The following FSHR variants were observed in gnomAD, a reference collection of about 807,000 sequenced individuals.
FSHR encodes the protein follicle stimulating hormone receptor.
A neutral mutation model predicts 52.1 loss-of-function variants in FSHR; 46 were observed. The ratio of observed to expected loss-of-function variants is 0.88; its 90% CI spans 0.70 to 1.13. FSHR has a LOEUF of 1.13. Ranked by LOEUF, FSHR falls within the 50% of genes most tolerant of loss-of-function variation. The pLI is 0.00. For missense variants in FSHR, 964 were observed against 834.6 expected (o/e 1.16, Z -1.91); for synonymous variants, 399 against 309.6 (o/e 1.29, Z -3.03).
intron 4 of FSHR, among the ~76,000 whole-genome samples, chr2:49,002,686 C>G (rs1204280893): frequency 6.6e-6 from 1 of 152,022 alleles, no homozygotes; most frequent in African/African-American, 2.4e-5. Flanking sequence ...CCATGAAGTC[C>G]CTCCCCAACA....
At chr2:49,072,873 AC>A (rs1187072930) in intron 1 of FSHR, among the ~76,000 whole-genome samples, 2 of 152,170 alleles carry the variant, frequency 1.3e-5, no homozygotes, top group African/African-American at 4.8e-5. Flanking sequence ...AGCTGGATTT[AC>A]CACTTAACAT....
intron 1 of FSHR, among the ~76,000 whole-genome samples, chr2:49,113,848 A>G (rs867701484): frequency 2.0e-5 from 3 of 152,214 alleles, no homozygotes. Flanking sequence ...CTCCCCCTCT[A>G]TTGATTATAA....
intron 2 of FSHR, among the ~76,000 whole-genome samples, chr2:49,056,516 G>C (rs983331987): frequency 4.4e-5 from 6 of 137,464 alleles, no homozygotes; most frequent in South Asian, 4.5e-4. Flanking sequence ...GATATAAAAA[G>C]CAAATATTAT....
intron 1 of FSHR, among the ~76,000 whole-genome samples, chr2:49,093,151 AT>A (rs201091058): frequency 0.029 from 4,372 of 152,264 alleles, 86 homozygotes; most frequent in South Asian, 0.044. Context: ...TTTCTGTCTA[AT>A]TTTGATATCA....
intron 1 of FSHR, among the ~76,000 whole-genome samples, chr2:49,143,597 G>A (rs1284473354): frequency 2.0e-5 from 3 of 152,108 alleles, no homozygotes; most frequent in Admixed American, 6.6e-5. Context: ...AAACTCCACT[G>A]AGAAGACAAT....
intron 8 of FSHR, among the ~76,000 whole-genome samples, chr2:48,969,772 C>T (rs915936917): frequency 3.9e-5 from 6 of 152,192 alleles, no homozygotes; most frequent in Non-Finnish European, 8.8e-5. Context: ...GGTCCCTGCC[C>T]CTGATGGGCT....
chr2:49,053,216 C>T (rs1504190), intron 2 of FSHR, among the ~76,000 whole-genome samples: 63,373 of 151,948 alleles, frequency 0.42, 14,271 homozygotes, highest in Non-Finnish European at 0.5. Context: ...GGCTTATTGC[C>T]GCCTCATCTG....
In FSHR at chr2:49,153,887, C is replaced by G. The variant is rs555563518; in HGVS notation, c.152+379G>C. The stretch of plus-strand genomic sequence containing the variant: ...CATACCTTGTGTATTCTGCTTAGAT[C>G]AAAGCTGCCTTTCTGCCTCCAATTC... On this transcript the variant is annotated intron_variant, in intron 1 of 9. Transcript: ENST00000406846. Among the ~76,000 whole-genome samples, 35 of 152,244 alleles carry G rather than the reference C, an allele frequency of 2.3e-4. No homozygotes were observed. The South Asian group carries it at 7.3e-3, about 32-fold the overall frequency.
At chr2:49,020,586 C>T (rs556660596) in intron 2 of FSHR, among the ~76,000 whole-genome samples, 1 of 151,980 alleles carries the variant, frequency 6.6e-6, no homozygotes, top group East Asian at 1.9e-4. Context: ...ATCACAACTG[C>T]CCAATTGACA....
Position 49,089,093 on chromosome 2 carries a change from C to CTAATATAATA in FSHR, c.153-20813_153-20804dup, listed in dbSNP as rs141082451. Among the ~76,000 whole-genome samples, 394 of 150,102 alleles carry CTAATATAATA rather than the reference C, an allele frequency of 2.6e-3. 2 individuals carry two copies. Among genetic ancestry groups the CTAATATAATA allele is most frequent in the South Asian group, 9.6e-3 (46 of 4,778 alleles). On this transcript the variant is annotated intron_variant, in intron 1 of 9. Transcript: ENST00000406846. ...TGCAATTGTGTATCCAAATTCACTT[C>CTAATATAATA]TAATATAATATAATATAATATTTAT...
intron 6 of FSHR, among the ~76,000 whole-genome samples, chr2:48,987,101 C>T (rs923450664): frequency 2.6e-5 from 4 of 152,112 alleles, no homozygotes; most frequent in African/African-American, 9.7e-5. Context: ...ACCCAGGAAT[C>T]CTTTTACTGT....
At chr2:49,086,094 C>T (rs1230389470) in intron 1 of FSHR, among the ~76,000 whole-genome samples, 1 of 151,976 alleles carries the variant, frequency 6.6e-6, no homozygotes, top group Admixed American at 6.6e-5. Flanking sequence ...GCACATGTAC[C>T]CTAAAACTTA....
At chr2:49,110,627 A>C (rs908421848) in intron 1 of FSHR, among the ~76,000 whole-genome samples, 4 of 152,156 alleles carry the variant, frequency 2.6e-5, no homozygotes, top group Admixed American at 2.0e-4. Context: ...TCCCTGTGAC[A>C]GCTGGTAAAG....
At chr2:49,024,900 C>T (rs761877678) in intron 2 of FSHR, among the ~76,000 whole-genome samples, 1 of 152,184 alleles carries the variant, frequency 6.6e-6, no homozygotes, top group Non-Finnish European at 1.5e-5. Context: ...TCCATAGACC[C>T]TCTGTTACTG....
At chr2:48,998,705 T>G (rs947129886) in intron 4 of FSHR, among the ~76,000 whole-genome samples, 2 of 152,022 alleles carry the variant, frequency 1.3e-5, no homozygotes, top group African/African-American at 4.8e-5. Context: ...TTTAGTGAAG[T>G]TTTGTTCTCA....
At chr2:49,050,942 T>C (rs1424318960) in intron 2 of FSHR, among the ~76,000 whole-genome samples, 3 of 152,172 alleles carry the variant, frequency 2.0e-5, no homozygotes, top group Non-Finnish European at 1.5e-5. Flanking sequence ...TTACCATAGA[T>C]TAGATTTTCT....
chr2:49,141,988 T>G (rs1672704463), intron 1 of FSHR, among the ~76,000 whole-genome samples: 1 of 152,176 alleles, frequency 6.6e-6, no homozygotes, highest in African/African-American at 2.4e-5. Context: ...AGTGCAAAAT[T>G]GTTGGGCAAG....
At position 49,044,847 on chromosome 2, in the gene FSHR, C is replaced by A. The variant is rs984548139; in HGVS notation, c.224+23372G>T. 2.0e-5 allele frequency among the ~76,000 whole-genome samples: 3 copies of A among 152,164 alleles called. No homozygotes were observed. The South Asian group carries it at 6.2e-4, about 32-fold the overall frequency. ...AGACTTGTGCTTCTTCCCTGAGATA[C>A]AGTTTTTCTGTCACAAGAGGGAGTG... is the stretch of plus-strand genomic sequence containing the variant. On this transcript the variant is annotated intron_variant, in intron 2 of 9. Transcript: ENST00000406846.
intron 4 of FSHR, among the ~76,000 whole-genome samples, chr2:48,998,796 C>T (rs1475389051): frequency 6.6e-6 from 1 of 151,816 alleles, no homozygotes; most frequent in Non-Finnish European, 1.5e-5. Context: ...CATGAAAATG[C>T]TTTCTCAAAA....
Sources: gnomAD v4.1 joint callset for allele counts (sites outside exome capture counted in the v4.1 genomes callset) on GRCh38, gnomAD v4.1.1 for gene constraint, MANE v1.5 for transcripts, NCBI Gene and HGNC (gene_info 2026-07-23, HGNC 2026-07-21) for gene names.